AVEN: variants seen among roughly 807,000 people sequenced by gnomAD.
AVEN encodes the protein cell death regulator Aven.
AVEN carries 41 observed loss-of-function variants against 38.1 expected under a neutral mutation model. The ratio of observed to expected loss-of-function variants is 1.08; its 90% CI spans 0.84 to 1.40. AVEN has a LOEUF of 1.40. Ranked by LOEUF, AVEN falls within the 40% of genes most tolerant of loss-of-function variation. The pLI, the probability that AVEN is intolerant of heterozygous loss-of-function variation, is 0.00. For missense variants in AVEN, 605 were observed against 438.8 expected, an observed-to-expected ratio of 1.38 and a Z score of -3.38; for synonymous variants, 206 against 171.8, an observed-to-expected ratio of 1.20 and a Z score of -1.56.
chr15:34,003,354 G>C (rs1193747246), intron 1 of AVEN, 145 bp from the exon 2 acceptor site: 2 of 716,180 alleles, frequency 2.8e-6, no homozygotes, highest in Non-Finnish European at 4.5e-6. Context: ...TATTTTAAGA[G>C]AATCACACTA....
intron 2 of AVEN, among the ~76,000 whole-genome samples, chr15:34,068,961 G>A (rs1314100510): frequency 6.6e-6 from 1 of 151,848 alleles, no homozygotes; most frequent in Non-Finnish European, 1.5e-5. Flanking sequence ...ACAGGCGCCT[G>A]CCACCACGCC....
At chr15:33,933,524 C>CACACACACAGAG (rs1893945145) in intron 2 of AVEN, among the ~76,000 whole-genome samples, 11 of 46,644 alleles carry the variant, frequency 2.4e-4, no homozygotes, top group Non-Finnish European at 2.7e-4. Context: ...CACACACACA[C>CACACACACAGAG]AGAGAGAGAG....
At position 34,030,772 on chromosome 15, in the gene AVEN, G is replaced by A. The variant is rs149310771; in HGVS notation, c.267+8008C>T. Among the ~76,000 whole-genome samples, 133 of 151,834 alleles carry A rather than the reference G, an allele frequency of 8.8e-4. 1 individual carries two copies. The highest frequency in any genetic ancestry group is 1.5e-3 in the Non-Finnish European group (99 of 67,886). ...GGTGGGAATACAGGCGTGCACCACC[G>A]TGCCTGGCTAAATTTTTTGTTGTTG... On this transcript the variant is annotated intron_variant, in intron 1 of 5. Coordinates refer to ENST00000306730, the MANE Select transcript of AVEN (RefSeq NM_020371.3).
intron 4 of AVEN, chr15:34,064,717 A>T: frequency 4.6e-6 from 1 of 215,638 alleles, no homozygotes; most frequent in East Asian, 1.3e-4. Flanking sequence ...TGCAATATGT[A>T]TGTGTCTATG....
intron 2 of AVEN, among the ~76,000 whole-genome samples, chr15:33,888,633 T>C (rs1279289179): frequency 6.6e-6 from 1 of 152,196 alleles, no homozygotes; most frequent in Non-Finnish European, 1.5e-5. Context: ...TTATAGTCAA[T>C]GTAACTCCAA....
Position 33,998,938 on chromosome 15 carries a change from C to T in AVEN, c.445+4094G>A, listed in dbSNP as rs544637546. On this transcript the variant is annotated intron_variant, in intron 2 of 5. Transcript: ENST00000306730. Reference sequence around the variant, plus strand: ...AAATATCATCTATAGGCTGGCATCACCCAAATGTATTATTGCCAACCCAGG... The same window carrying T: ...AAATATCATCTATAGGCTGGCATCATCCAAATGTATTATTGCCAACCCAGG... Among the ~76,000 whole-genome samples the T allele has an allele frequency of 2.4e-4, 37 of 152,320 alleles. No homozygotes were observed. The South Asian group carries it at 7.5e-3, about 31-fold the overall frequency.
downstream of AVEN, chr15:33,864,908 G>GAGGGGGATTTTTC (rs1889942009): frequency 8.0e-6 from 4 of 502,882 alleles, no homozygotes; most frequent in Non-Finnish European, 1.4e-5. Flanking sequence ...GTTTGGGGCA[G>GAGGGGGATTTTTC]AGGGGGATTT....
intron 2 of AVEN, among the ~76,000 whole-genome samples, chr15:33,926,687 G>A (rs1247788675): frequency 6.6e-6 from 1 of 152,118 alleles, no homozygotes; most frequent in African/African-American, 2.4e-5. Flanking sequence ...TTGAGATGGA[G>A]TCTCACTCTG....
intron 4 of AVEN, among the ~76,000 whole-genome samples, chr15:33,869,874 A>T (rs1443742363): frequency 6.7e-6 from 1 of 149,802 alleles, no homozygotes; most frequent in African/African-American, 2.5e-5. Context: ...TCTTCATGGC[A>T]TAATCTTTGG....
intron 2 of AVEN, among the ~76,000 whole-genome samples, chr15:33,979,609 G>A (rs1030332297): frequency 2.0e-5 from 3 of 152,052 alleles, no homozygotes; most frequent in Admixed American, 6.6e-5. Context: ...TATGAGCCTC[G>A]GTTTCCTCCT....
intron 1 of AVEN, among the ~76,000 whole-genome samples, chr15:34,034,173 T>C (rs1306499843): frequency 6.6e-6 from 1 of 152,202 alleles, no homozygotes; most frequent in Non-Finnish European, 1.5e-5. Flanking sequence ...CCAAGTGTGG[T>C]GACTCACATC....
At chr15:33,904,822 A>G (rs1892634969) in intron 2 of AVEN, among the ~76,000 whole-genome samples, 2 of 152,038 alleles carry the variant, frequency 1.3e-5, no homozygotes, top group African/African-American at 4.8e-5. Flanking sequence ...TATATTTTAA[A>G]AATCTGTTAA....
chr15:33,869,266 G>C (rs1475977013), intron 4 of AVEN, among the ~76,000 whole-genome samples: 2 of 152,182 alleles, frequency 1.3e-5, no homozygotes, highest in African/African-American at 4.8e-5. Context: ...ACAAGGTAGA[G>C]AATACTGCTC....
At chr15:33,873,351 C>T (rs998213848) in intron 3 of AVEN, among the ~76,000 whole-genome samples, 10 of 150,750 alleles carry the variant, frequency 6.6e-5, no homozygotes, top group African/African-American at 2.2e-4. Context: ...CTGCCCACCT[C>T]GGCCTCCCAA....
At chr15:33,926,381 C>T (rs1294086967) in intron 2 of AVEN, among the ~76,000 whole-genome samples, 5 of 152,256 alleles carry the variant, frequency 3.3e-5, no homozygotes, top group South Asian at 4.2e-4. Context: ...ATTGGGATCA[C>T]GGCAGCTCTA....
intron 1 of AVEN, among the ~76,000 whole-genome samples, chr15:34,018,686 C>T (rs1229464463): frequency 6.6e-6 from 1 of 152,200 alleles, no homozygotes; most frequent in East Asian, 1.9e-4. Context: ...CAGTGGGTTG[C>T]TGCTGCTGGC....
At chr15:33,857,544 C>T (rs1016107423), downstream of AVEN, among the ~76,000 whole-genome samples, 3 of 152,172 alleles carry the variant, frequency 2.0e-5, no homozygotes, top group South Asian at 2.1e-4. Context: ...CAATTCAGCC[C>T]CCAACACCCC....
downstream of AVEN, chr15:33,854,996 A>T (rs1233484915): frequency 9.2e-6 from 12 of 1,305,326 alleles, no homozygotes; most frequent in Non-Finnish European, 1.2e-5. Flanking sequence ...AGTATATGAC[A>T]GGAAGGAATA....
At chr15:33,945,828 G>A (rs183929061) in intron 2 of AVEN, among the ~76,000 whole-genome samples, 2 of 152,112 alleles carry the variant, frequency 1.3e-5, no homozygotes, top group East Asian at 1.9e-4. Context: ...CTCATGATCC[G>A]CCCACCTTGG....
Sources: allele counts gnomAD v4.1 joint callset (sites outside exome capture counted in the v4.1 genomes callset), GRCh38; gene constraint gnomAD v4.1.1; transcripts MANE v1.5; gene names NCBI Gene and HGNC (gene_info 2026-07-23, HGNC 2026-07-21).